Variants in CDH12 observed in about 807,000 individuals in gnomAD.
The protein encoded by CDH12 is cadherin 12, also known as cadherin-12.
CDH12 carries 41 observed loss-of-function variants against 74.1 expected under a neutral mutation model. That is an observed-to-expected ratio of 0.55 (90% CI 0.43 to 0.72). CDH12 has a LOEUF of 0.72. CDH12 is among the 30% of genes least tolerant of loss of function. The pLI is 0.00. For synonymous variants in CDH12, 399 were observed against 355.0 expected (o/e 1.12, Z -1.39); for missense variants, 945 against 977.2 (o/e 0.97, Z 0.44).
intron 1 of CDH12, among the ~76,000 whole-genome samples, chr5:22,623,796 C>T (rs937018525): frequency 1.1e-4 from 16 of 152,102 alleles, no homozygotes; most frequent in Admixed American, 3.3e-4. Context: ...ACTTTCTTCA[C>T]AGAATTGGAA....
chr5:22,233,111 T>G (rs1752443172), intron 3 of CDH12, among the ~76,000 whole-genome samples: 1 of 151,554 alleles, frequency 6.6e-6, no homozygotes, highest in Non-Finnish European at 1.5e-5. Flanking sequence ...TTTTAAAGGT[T>G]ATTATCAACA....
chr5:22,328,459 T>C (rs1739215596), intron 3 of CDH12, among the ~76,000 whole-genome samples: 1 of 152,212 alleles, frequency 6.6e-6, no homozygotes, highest in Non-Finnish European at 1.5e-5. Flanking sequence ...CATCTAGTTA[T>C]TAATTATTGG....
At chr5:22,702,378 CCAATCAGAT>C (rs1742758957) in intron 1 of CDH12, among the ~76,000 whole-genome samples, 1 of 152,108 alleles carries the variant, frequency 6.6e-6, no homozygotes, top group South Asian at 2.1e-4. Flanking sequence ...TAATCTCTCA[CCAATCAGAT>C]TGTAATCCCT....
At chr5:22,309,346 T>C (rs769110152) in intron 3 of CDH12, among the ~76,000 whole-genome samples, 3 of 151,856 alleles carry the variant, frequency 2.0e-5, no homozygotes, top group African/African-American at 7.3e-5. Flanking sequence ...CAGAACCACA[T>C]AAAGAAAAAG....
At chr5:22,836,331 C>A (rs764860181) in intron 1 of CDH12, among the ~76,000 whole-genome samples, 14 of 143,168 alleles carry the variant, frequency 9.8e-5, no homozygotes, top group Non-Finnish European at 2.0e-4. Context: ...TCAAGTGATA[C>A]TCCTGCCTCA....
intron 8 of CDH12, among the ~76,000 whole-genome samples, chr5:21,825,773 A>C (rs758295519): frequency 3.9e-5 from 6 of 152,136 alleles, no homozygotes; most frequent in Non-Finnish European, 7.4e-5. Context: ...TCTGAAGCAC[A>C]TCTCTTCTGA....
chr5:21,957,989 T>C (rs961173555), intron 6 of CDH12, among the ~76,000 whole-genome samples: 1 of 152,088 alleles, frequency 6.6e-6, no homozygotes, highest in African/African-American at 2.4e-5. Flanking sequence ...ATCTCCATAA[T>C]CACCACATGG....
At chr5:22,285,885 T>C (rs1737112050) in intron 3 of CDH12, among the ~76,000 whole-genome samples, 1 of 152,092 alleles carries the variant, frequency 6.6e-6, no homozygotes, top group African/African-American at 2.4e-5. Flanking sequence ...CTAAAGAAAG[T>C]GAACTCCCTG....
chr5:22,475,147 G>A (rs1049614357), intron 2 of CDH12, among the ~76,000 whole-genome samples: 11 of 151,408 alleles, frequency 7.3e-5, no homozygotes, highest in Admixed American at 6.6e-5. Flanking sequence ...CAGGGAAGAA[G>A]ACCCTCATCC....
intron 1 of CDH12, among the ~76,000 whole-genome samples, chr5:22,820,398 T>C (rs1339213817): frequency 6.6e-6 from 1 of 152,092 alleles, no homozygotes; most frequent in African/African-American, 2.4e-5. Context: ...TGTACTGTTC[T>C]CATGATAGTG....
chr5:22,315,455 T>C (rs965498779), intron 3 of CDH12, among the ~76,000 whole-genome samples: 1 of 152,078 alleles, frequency 6.6e-6, no homozygotes, highest in Non-Finnish European at 1.5e-5. Flanking sequence ...ATGGAGCTTA[T>C]ATAGATTGGA....
intron 3 of CDH12, among the ~76,000 whole-genome samples, chr5:22,398,504 T>C (rs1580606798): frequency 6.6e-6 from 1 of 152,086 alleles, no homozygotes; most frequent in East Asian, 1.9e-4. Context: ...TGATTGGCAG[T>C]GTTGGAAGGA....
intron 1 of CDH12, among the ~76,000 whole-genome samples, chr5:22,767,697 C>T (rs1468268683): frequency 2.0e-5 from 3 of 151,880 alleles, no homozygotes; most frequent in Admixed American, 1.3e-4. Context: ...ACCCAGCCAC[C>T]TGCAGTGAGT....
At position 22,161,298 on chromosome 5, in the gene CDH12, A is replaced by G. The variant is rs537618066; in HGVS notation, c.-187+51200T>C. On this transcript the variant is annotated intron_variant, in intron 4 of 14. Coordinates refer to ENST00000382254, the MANE Select transcript of CDH12 (RefSeq NM_004061.5). The stretch of plus-strand genomic sequence containing the variant: ...TGAAAATTAAAGATAAAATTTTTAG[A>G]TGATTTAAGAATCCTTATGAAAAAA... Among the ~76,000 whole-genome samples, 315 of 152,314 alleles carry G rather than the reference A, an allele frequency of 2.1e-3. 9 individuals are homozygous for G. The highest frequency in any genetic ancestry group is 4.1e-4 in the Non-Finnish European group (28 of 68,028).
At chr5:21,980,790 A>G (rs1484408943) in intron 5 of CDH12, among the ~76,000 whole-genome samples, 4 of 152,074 alleles carry the variant, frequency 2.6e-5, no homozygotes, top group African/African-American at 9.7e-5. Flanking sequence ...TACTTCACTA[A>G]TTGTGTTCAT....
intron 1 of CDH12, among the ~76,000 whole-genome samples, chr5:22,841,372 G>A (rs766322209): frequency 1.3e-4 from 20 of 152,170 alleles, no homozygotes; most frequent in Non-Finnish European, 2.5e-4. Flanking sequence ...GACCGACATC[G>A]TGAAATCTGA....
At chr5:22,766,071 G>A (rs891007450) in intron 1 of CDH12, among the ~76,000 whole-genome samples, 1 of 151,664 alleles carries the variant, frequency 6.6e-6, no homozygotes, top group African/African-American at 2.4e-5. Context: ...AAAATCATGA[G>A]GATACAATTT....
intron 3 of CDH12, among the ~76,000 whole-genome samples, chr5:22,334,151 T>A (rs1739464450): frequency 6.6e-6 from 1 of 151,880 alleles, no homozygotes; most frequent in African/African-American, 2.4e-5. Context: ...GAGAAAGAAA[T>A]AAAGGGCATC....
chr5:22,094,134 C>T (rs529941970), intron 4 of CDH12, among the ~76,000 whole-genome samples: 5 of 152,082 alleles, frequency 3.3e-5, no homozygotes, highest in Admixed American at 1.3e-4. Flanking sequence ...AGAGGCAAAC[C>T]GTTACACAGA....
Sources: allele counts gnomAD v4.1 joint callset (sites outside exome capture counted in the v4.1 genomes callset), GRCh38; gene constraint gnomAD v4.1.1; transcripts MANE v1.5; gene names NCBI Gene and HGNC (gene_info 2026-07-23, HGNC 2026-07-21).